The following AOPEP variants were observed in gnomAD, a reference collection of about 807,000 sequenced individuals.
AOPEP encodes the protein aminopeptidase O.
Under a neutral mutation model 98.1 loss-of-function variants are expected in AOPEP, and 77 were observed. The observed-to-expected ratio is 0.78, with a 90% confidence interval of 0.65 to 0.95. The LOEUF (loss-of-function observed/expected upper bound fraction) is 0.95, where lower values mean the gene tolerates loss of function less well. AOPEP is among the 40% of genes least tolerant of loss of function. The pLI, the probability that AOPEP is intolerant of heterozygous loss-of-function variation, is 0.00. For synonymous variants in AOPEP, 346 were observed against 365.3 expected, an observed-to-expected ratio of 0.95 and a Z score of 0.60; for missense variants, 1,024 against 1,024.7, an observed-to-expected ratio of 1.00 and a Z score of 0.01.
intron 16 of AOPEP, among the ~76,000 whole-genome samples, chr9:95,083,374 C>T (rs2070093316): frequency 6.6e-6 from 1 of 150,580 alleles, no homozygotes; most frequent in African/African-American, 2.4e-5. Flanking sequence ...ACACAGAGCA[C>T]ACGCGGCACA....
Position 95,028,419 on chromosome 9 carries a change from T to C in AOPEP, c.2115+22803T>C, listed in dbSNP as rs143063067. Among the ~76,000 whole-genome samples the C allele has an allele frequency of 2.0e-5, 3 of 152,308 alleles. No individual in the cohort carries two copies. The East Asian group carries it at 5.8e-4, about 29-fold the overall frequency. On this transcript the variant is annotated intron_variant, in intron 13 of 16. Transcript: ENST00000375315. ...CAGTGCATTCCAGCAGACTGGAGAA[T>C]TACGTCACTACCCACACAGCCTTCA...
At chr9:95,093,032 T>G in the AOPEP span, among the ~76,000 whole-genome samples, 1 of 152,230 alleles carries the variant, frequency 6.6e-6, no homozygotes, top group Non-Finnish European at 1.5e-5. Flanking sequence ...GGAGTCCGTT[T>G]CAGTGATTGC....
chr9:94,741,495 T>G (rs999085666), intron 1 of AOPEP, among the ~76,000 whole-genome samples: 3 of 152,010 alleles, frequency 2.0e-5, no homozygotes, highest in Admixed American at 6.6e-5. Context: ...ATGGTCTCCA[T>G]CTCCTGACCT....
Position 94,979,433 on chromosome 9 carries a change from T to G in AOPEP, c.1977+6T>G. ...AGAGTTCCGGAATACCAAAGGTAAC[T>G]CAAGATAACCACTTTGGTAGAATCC... On this transcript the variant is annotated splice_donor_region_variant and intron_variant, in intron 11 of 16. Coordinates refer to ENST00000375315, the MANE Select transcript of AOPEP (RefSeq NM_001193329.3). 6.3e-7 allele frequency: 1 copy of G among 1,583,492 alleles called. No homozygotes were observed. The highest frequency in any genetic ancestry group is 8.6e-7 in the Non-Finnish European group (1 of 1,156,988).
intron 5 of AOPEP, among the ~76,000 whole-genome samples, chr9:94,880,625 G>A (rs991924279): frequency 6.6e-6 from 1 of 151,930 alleles, no homozygotes; most frequent in Admixed American, 6.5e-5. Context: ...CAAAGTGTTG[G>A]GATTACAGGC....
intron 1 of AOPEP, among the ~76,000 whole-genome samples, chr9:94,729,877 G>C (rs1830117195): frequency 6.6e-6 from 1 of 152,078 alleles, no homozygotes; most frequent in African/African-American, 2.4e-5. Context: ...CTGGAGTCTC[G>C]ATGAAAAAAG....
intron 9 of AOPEP, among the ~76,000 whole-genome samples, chr9:94,965,983 G>A (rs2059172539): frequency 6.7e-6 from 1 of 150,352 alleles, no homozygotes; most frequent in African/African-American, 2.5e-5. Flanking sequence ...CTATTGGGAG[G>A]CTTCGGTCTG....
At chr9:94,894,687 A>T (rs182937033) in intron 5 of AOPEP, among the ~76,000 whole-genome samples, 53 of 152,342 alleles carry the variant, frequency 3.5e-4, no homozygotes, top group Non-Finnish European at 5.9e-4. Context: ...AAGGCTTTCA[A>T]ATTATGTTTA....
intron 5 of AOPEP, among the ~76,000 whole-genome samples, chr9:94,819,077 A>G (rs770396745): frequency 2.0e-5 from 3 of 152,226 alleles, no homozygotes; most frequent in Non-Finnish European, 2.9e-5. Flanking sequence ...CCTGGATTAA[A>G]CTAGACTATC....
In AOPEP at chr9:94,930,721, AAGAG is replaced by A. The variant is rs1378183415; in HGVS notation, c.1661+2196_1661+2199del. 6.6e-6 allele frequency among the ~76,000 whole-genome samples: 1 copy of A among 152,064 alleles called. No individual in the cohort carries two copies. The highest frequency in any genetic ancestry group is 1.9e-4 in the East Asian group (1 of 5,168). ...CTGCCTGGGGGATGAAGAGGGGCGA[AAGAG>A]AGAGAAGTGGGACTACATGGGTGAT... On this transcript the variant is annotated intron_variant, in intron 7 of 16. Transcript: ENST00000375315. The surrounding 1 kb of genome is among the most constrained non-coding windows in gnomAD (Gnocchi z 4.5).
intron 1 of AOPEP, among the ~76,000 whole-genome samples, chr9:94,744,863 T>C (rs996743834): frequency 2.0e-5 from 3 of 152,104 alleles, no homozygotes; most frequent in Non-Finnish European, 2.9e-5. Flanking sequence ...ATTTGAAAAA[T>C]GCTTCAAAAC....
the AOPEP span, among the ~76,000 whole-genome samples, chr9:95,116,338 A>G: frequency 7.9e-5 from 12 of 152,250 alleles, no homozygotes; most frequent in Non-Finnish European, 1.6e-4. Context: ...TGTCACCCAG[A>G]GATCCCACCC....
chr9:95,146,243 T>C, the AOPEP span, among the ~76,000 whole-genome samples: 1 of 151,968 alleles, frequency 6.6e-6, no homozygotes, highest in African/African-American at 2.4e-5. Flanking sequence ...TCCCAACATT[T>C]TGGGAGGCCA....
At chr9:94,991,439 C>T (rs764336231) in intron 11 of AOPEP, among the ~76,000 whole-genome samples, 10 of 152,166 alleles carry the variant, frequency 6.6e-5, no homozygotes, top group Non-Finnish European at 1.2e-4. Flanking sequence ...ACTGGGGGAG[C>T]GGAGCCCCAG....
chr9:95,135,162 C>T, the AOPEP span, among the ~76,000 whole-genome samples: 2 of 152,186 alleles, frequency 1.3e-5, no homozygotes, highest in Non-Finnish European at 1.5e-5. Context: ...TCCCTGCATG[C>T]TCCAAGGATG....
chr9:95,005,737 T>C (rs2061962310), intron 13 of AOPEP, 121 bp downstream of exon 13: 7 of 736,692 alleles, frequency 9.5e-6, no homozygotes, highest in Non-Finnish European at 1.7e-5. Context: ...TAATAAACCA[T>C]AGATTTAATA....
chr9:95,143,461 C>G, the AOPEP span, among the ~76,000 whole-genome samples: 2 of 152,166 alleles, frequency 1.3e-5, no homozygotes, highest in African/African-American at 4.8e-5. Context: ...GGAGTCACTT[C>G]ATTAGCCTAC....
chr9:94,978,544 T>A (rs527805598), intron 10 of AOPEP, among the ~76,000 whole-genome samples: 1 of 152,194 alleles, frequency 6.6e-6, no homozygotes, highest in South Asian at 2.1e-4. Flanking sequence ...TGACAGATGT[T>A]ATGGCACTGG....
chr9:94,947,461 T>A (rs1431649721), intron 7 of AOPEP, among the ~76,000 whole-genome samples: 1 of 152,138 alleles, frequency 6.6e-6, no homozygotes, highest in Non-Finnish European at 1.5e-5. Context: ...CAGGCTGGTC[T>A]CGAGCTCCTG....
Sources: allele counts gnomAD v4.1 joint callset (sites outside exome capture counted in the v4.1 genomes callset), GRCh38; gene constraint gnomAD v4.1.1; non-coding constraint Gnocchi (gnomAD v3.1); transcripts MANE v1.5; gene names NCBI Gene and HGNC (gene_info 2026-07-23, HGNC 2026-07-21).